The following DLG2 variants were observed in gnomAD, a reference collection of about 807,000 sequenced individuals.
DLG2 encodes disks large homolog 2.
DLG2 carries 45 observed loss-of-function variants against 132.5 expected under a neutral mutation model. The observed-to-expected ratio is 0.34, with a 90% CI of 0.27 to 0.44. DLG2 has a LOEUF of 0.44. Among genes scored for constraint, DLG2 ranks in the 20% least tolerant of loss-of-function variants. DLG2 has a pLI of 1.00. For synonymous variants in DLG2, 424 were observed against 419.6 expected (o/e 1.01, Z -0.13); for missense variants, 1,045 against 1,196.9 (o/e 0.87, Z 1.87).
rs17147499 is a variant in DLG2, at chr11:84,684,511, T to G, written c.358-149780A>C. 5.7e-3 allele frequency among the ~76,000 whole-genome samples: 867 copies of G among 152,298 alleles called. 4 individuals are homozygous for G. Among genetic ancestry groups the G allele is most frequent in the African/African-American group, 0.017 (697 of 41,564 alleles). ...TGATGGGCTACCTATGAAAGCAGCA[T>G]CAACTCTATGGGTACCCTTCTCTAG... On this transcript the variant is annotated intron_variant, in intron 6 of 27. Transcript: ENST00000376104.
chr11:84,797,529 G>C (rs541496082), intron 6 of DLG2, among the ~76,000 whole-genome samples: 1 of 152,196 alleles, frequency 6.6e-6, no homozygotes, highest in South Asian at 2.1e-4. Flanking sequence ...GCATTCTTTA[G>C]TATGTCAGTT....
intron 6 of DLG2, among the ~76,000 whole-genome samples, chr11:84,690,918 T>C (rs2057955374): frequency 6.6e-6 from 1 of 151,904 alleles, no homozygotes; most frequent in South Asian, 2.1e-4. Context: ...GCATATATGA[T>C]ATTTTGATTC....
intron 6 of DLG2, among the ~76,000 whole-genome samples, chr11:84,936,501 G>A (rs1306056668): frequency 6.6e-6 from 1 of 151,880 alleles, no homozygotes; most frequent in Non-Finnish European, 1.5e-5. Context: ...ATGAACTATA[G>A]TGAATATTTT....
intron 6 of DLG2, among the ~76,000 whole-genome samples, chr11:85,098,092 A>C (rs1384072759): frequency 6.6e-6 from 1 of 152,214 alleles, no homozygotes; most frequent in Non-Finnish European, 1.5e-5. Context: ...GACTGAAGAG[A>C]GTATGTGCTG....
intron 7 of DLG2, chr11:84,317,403 C>T (rs1218665694): frequency 2.3e-6 from 3 of 1,324,860 alleles, no homozygotes; most frequent in East Asian, 6.2e-5. Context: ...TATCCCTGCT[C>T]TAGGCAGAAG....
intron 3 of DLG2, among the ~76,000 whole-genome samples, chr11:85,503,650 G>C (rs987070141): frequency 2.6e-5 from 4 of 152,042 alleles, no homozygotes; most frequent in South Asian, 2.1e-4. Flanking sequence ...AAGAAACAAA[G>C]ACCAGGAATG....
chr11:85,018,420 T>C (rs1202268892), intron 6 of DLG2, among the ~76,000 whole-genome samples: 2 of 151,882 alleles, frequency 1.3e-5, no homozygotes, highest in East Asian at 1.9e-4. Flanking sequence ...CTGTCTGACA[T>C]ATGTTTTGAA....
At chr11:85,465,621 C>G (rs565420121) in intron 3 of DLG2, among the ~76,000 whole-genome samples, 1 of 152,072 alleles carries the variant, frequency 6.6e-6, no homozygotes, top group African/African-American at 2.4e-5. Context: ...CATGTCCTTA[C>G]AAAGGACATG....
intron 10 of DLG2, among the ~76,000 whole-genome samples, chr11:84,071,174 C>A (rs889956257): frequency 5.3e-5 from 8 of 152,204 alleles, no homozygotes; most frequent in Non-Finnish European, 1.2e-4. Context: ...CGCACTGAAA[C>A]CTCTGCCTTC....
chr11:84,543,451 T>G (rs2099383094), intron 6 of DLG2, among the ~76,000 whole-genome samples: 1 of 152,158 alleles, frequency 6.6e-6, no homozygotes, highest in South Asian at 2.1e-4. Context: ...TTCATAAACC[T>G]TGGCACATTT....
intron 18 of DLG2, among the ~76,000 whole-genome samples, chr11:83,707,109 G>A (rs1294258935): frequency 6.6e-6 from 1 of 152,050 alleles, no homozygotes; most frequent in Admixed American, 6.6e-5. Flanking sequence ...TAGCTTTCTA[G>A]AACTAAGTGG....
At chr11:83,753,519 T>C (rs900501447) in intron 18 of DLG2, among the ~76,000 whole-genome samples, 3 of 151,568 alleles carry the variant, frequency 2.0e-5, no homozygotes, top group Non-Finnish European at 4.4e-5. Flanking sequence ...CTGTATAGCA[T>C]AGTAGATGTT....
intron 5 of DLG2, among the ~76,000 whole-genome samples, chr11:85,134,522 C>T (rs1376108700): frequency 1.6e-5 from 2 of 121,632 alleles, no homozygotes; most frequent in African/African-American, 3.3e-5. Flanking sequence ...GAGCGAGACT[C>T]CGTCTCAAAA....
intron 6 of DLG2, among the ~76,000 whole-genome samples, chr11:84,574,531 G>T (rs1489614372): frequency 6.6e-6 from 1 of 152,130 alleles, no homozygotes; most frequent in Non-Finnish European, 1.5e-5. Flanking sequence ...GAAAATTAAA[G>T]AACCAAGCTA....
chr11:85,161,383 C>T lies in DLG2; in HGVS notation c.187-6732G>A, dbSNP rs2078018094. ...CTGGTTATGGCCACTGCTGAGTGTC[C>T]AATTTGCCAGCAGCAGAGACCAACA... On this transcript the variant is annotated intron_variant, in intron 4 of 27. Coordinates refer to ENST00000376104, the MANE Select transcript of DLG2 (RefSeq NM_001142699.3). 2.0e-5 allele frequency among the ~76,000 whole-genome samples: 3 copies of T among 152,146 alleles called. No homozygotes were observed. The South Asian group carries it at 6.2e-4, about 32-fold the overall frequency.
chr11:83,877,809 G>A (rs2065147021), intron 15 of DLG2, among the ~76,000 whole-genome samples: 1 of 152,206 alleles, frequency 6.6e-6, no homozygotes, highest in Admixed American at 6.5e-5. Context: ...TAATAGTAAT[G>A]TCCAAGCTAT....
chr11:84,749,544 T>C (rs899689316), intron 6 of DLG2, among the ~76,000 whole-genome samples: 1 of 152,146 alleles, frequency 6.6e-6, no homozygotes, highest in Non-Finnish European at 1.5e-5. Flanking sequence ...TGCACAGGTT[T>C]GCAGTCAAGG....
chr11:84,744,783 TG>T (rs1437066602), intron 6 of DLG2, among the ~76,000 whole-genome samples: 1 of 151,632 alleles, frequency 6.6e-6, no homozygotes, highest in East Asian at 1.9e-4. Context: ...ATAAGTCTGA[TG>T]GGAAGCTGTA....
At chr11:85,413,800 T>C (rs1186810828) in intron 3 of DLG2, among the ~76,000 whole-genome samples, 2 of 152,112 alleles carry the variant, frequency 1.3e-5, no homozygotes, top group South Asian at 2.1e-4. Context: ...TGGGTGACTA[T>C]GGCCTTATAG....
Sources: allele counts gnomAD v4.1 joint callset (sites outside exome capture counted in the v4.1 genomes callset), GRCh38; gene constraint gnomAD v4.1.1; transcripts MANE v1.5; gene names NCBI Gene and HGNC (gene_info 2026-07-23, HGNC 2026-07-21).